Variants in TBC1D12 observed in about 807,000 individuals in gnomAD.
TBC1D12 encodes TBC1 domain family, member 12.
In TBC1D12, 56 loss-of-function variants were observed where a neutral mutation model predicts 86.7. The ratio of observed to expected loss-of-function variants is 0.65; its 90% CI spans 0.52 to 0.81. TBC1D12 has a LOEUF of 0.81. Ranked by LOEUF, TBC1D12 falls within the 30% of genes least tolerant of loss-of-function variation. The probability of loss-of-function intolerance (pLI) is 0.00; values close to 1 mark genes in which losing one functional copy is unlikely to be tolerated. For missense variants in TBC1D12, 1,023 were observed against 1,038.8 expected (o/e 0.98, Z 0.21); for synonymous variants, 421 against 411.7 (o/e 1.02, Z -0.27).
intron 2 of TBC1D12, among the ~76,000 whole-genome samples, chr10:94,457,268 CCT>C (rs1349052673): frequency 1.1e-4 from 16 of 152,248 alleles, no homozygotes; most frequent in Admixed American, 9.2e-4. Context: ...CTCCCCACCC[CCT>C]GACAGGCCCC....
chr10:94,501,584 G>C (rs576972815), intron 6 of TBC1D12: 16 of 152,324 alleles, frequency 1.1e-4, no homozygotes, highest in African/African-American at 3.9e-4. Flanking sequence ...GTCTCGCTCT[G>C]TTGCTGTGCT....
chr10:94,497,156 C>A lies in TBC1D12; in HGVS notation c.1396C>A (p.Pro466Thr). The change falls in exon 5 of 13, where the codon CCC becomes ACC. Residue 466 changes from proline (P) to threonine (T), a missense_variant. Pro to Thr is a conservative substitution (Grantham distance 38). This residue lies in a region of TBC1D12 where 395 missense variants were observed against 507.7 expected (regional missense o/e 0.78). Coordinates refer to ENST00000225235, the MANE Select transcript of TBC1D12 (RefSeq NM_015188.2). Reference protein sequence around the residue: ...AMVIWINEILPNWEVMRSTRR... With the variant: ...AMVIWINEILTNWEVMRSTRR... Reference sequence around the variant, plus strand: ...GGTAATTTGGATCAATGAAATACTGCCCAATTGGGAAGTAATGTAAGTAAG... The same window carrying A: ...GGTAATTTGGATCAATGAAATACTGACCAATTGGGAAGTAATGTAAGTAAG... 1.3e-6 allele frequency: 2 copies of A among 1,540,678 alleles called. No homozygotes were observed. The highest frequency in any genetic ancestry group is 1.3e-5 in the South Asian group (1 of 78,538).
At position 94,475,320 on chromosome 10, in the gene TBC1D12, A is replaced by G. The variant is rs189860368; in HGVS notation, c.1211+537A>G. 1.7e-4 allele frequency among the ~76,000 whole-genome samples: 26 copies of G among 152,344 alleles called. No individual in the cohort carries two copies. In the East Asian group the frequency reaches 4.4e-3, roughly 26 times the overall value. Reference sequence around the variant, plus strand: ...TAGGTAACAAAAGTTTTATTAAGGAAGTAAGAGTACACTCCCAAGAGAGGA... The same window carrying G: ...TAGGTAACAAAAGTTTTATTAAGGAGGTAAGAGTACACTCCCAAGAGAGGA... On this transcript the variant is annotated intron_variant, in intron 3 of 12. Transcript: ENST00000225235.
chr10:94,516,466 G>A (rs560080584), intron 9 of TBC1D12, among the ~76,000 whole-genome samples: 53 of 151,786 alleles, frequency 3.5e-4, no homozygotes, highest in African/African-American at 1.2e-3. Context: ...TGTGCACAAC[G>A]TGCAGGTTTG....
At chr10:94,530,098 G>A (rs369881228) in intron 11 of TBC1D12, among the ~76,000 whole-genome samples, 2 of 152,044 alleles carry the variant, frequency 1.3e-5, no homozygotes. Flanking sequence ...TTATTTTGGC[G>A]AGGAAGCTTT....
chr10:94,428,505 C>T (rs1018499769), intron 1 of TBC1D12, among the ~76,000 whole-genome samples: 4 of 151,654 alleles, frequency 2.6e-5, no homozygotes, highest in Non-Finnish European at 4.4e-5. Context: ...ACAGGGTAAT[C>T]TCCAGTTCCT....
At chr10:94,517,690 G>C (rs1306551831) in intron 9 of TBC1D12, among the ~76,000 whole-genome samples, 1 of 152,106 alleles carries the variant, frequency 6.6e-6, no homozygotes, top group African/African-American at 2.4e-5. Context: ...AAATAGTGTA[G>C]ACTATATTGG....
chr10:94,528,785 T>C (rs1406014663), intron 11 of TBC1D12, among the ~76,000 whole-genome samples: 1 of 150,402 alleles, frequency 6.6e-6, no homozygotes, highest in East Asian at 2.0e-4. Flanking sequence ...TCCTGCCACT[T>C]CACTCTAACC....
At chr10:94,417,810 G>T (rs1165732505) in intron 1 of TBC1D12, among the ~76,000 whole-genome samples, 2 of 149,350 alleles carry the variant, frequency 1.3e-5, no homozygotes, top group Non-Finnish European at 3.0e-5. Context: ...GTGCAGTGGC[G>T]CAGTCTTGGC....
intron 1 of TBC1D12, 125 bp downstream of exon 1, chr10:94,403,709 G>C (rs2054809643): frequency 8.5e-7 from 1 of 1,182,378 alleles, no homozygotes; most frequent in Admixed American, 3.8e-5. Context: ...TTCCGTGCCA[G>C]CCCCACACGC....
At chr10:94,501,104 A>G (rs1186413281) in intron 6 of TBC1D12, among the ~76,000 whole-genome samples, 2 of 147,808 alleles carry the variant, frequency 1.4e-5, no homozygotes, top group African/African-American at 5.2e-5. Context: ...ATGAATAAAT[A>G]AATAAATAAA....
At chr10:94,509,947 AAAG>A (rs1439233456) in intron 7 of TBC1D12, 141 bp from the exon 8 acceptor site, 1 of 617,664 alleles carries the variant, frequency 1.6e-6, no homozygotes, top group Non-Finnish European at 2.8e-6. Context: ...AGTTCTAACA[AAAG>A]CTATGTGACA....
At chr10:94,508,078 G>A (rs2056482997) in intron 7 of TBC1D12, among the ~76,000 whole-genome samples, 1 of 152,046 alleles carries the variant, frequency 6.6e-6, no homozygotes. Context: ...ATAAATTACT[G>A]TTTTCTTATT....
chr10:94,458,492 T>C (rs2055662673), intron 2 of TBC1D12, among the ~76,000 whole-genome samples: 1 of 152,176 alleles, frequency 6.6e-6, no homozygotes, highest in Non-Finnish European at 1.5e-5. Flanking sequence ...CAATTAAGAA[T>C]AAGAAAAATT....
chr10:94,493,491 A>G, intron 4 of TBC1D12, 44 bp downstream of exon 4: 1 of 1,307,934 alleles, frequency 7.6e-7, no homozygotes, highest in Non-Finnish European at 1.1e-6. Flanking sequence ...TGATTTTAAT[A>G]AGAAGATGGA....
At chr10:94,501,264 C>T (rs1355590441) in intron 6 of TBC1D12, among the ~76,000 whole-genome samples, 1 of 151,874 alleles carries the variant, frequency 6.6e-6, no homozygotes, top group African/African-American at 2.4e-5. Context: ...GCCTGGGCAA[C>T]ACGGTGAAAC....
intron 2 of TBC1D12, among the ~76,000 whole-genome samples, chr10:94,455,830 C>T (rs780871892): frequency 3.3e-5 from 5 of 152,008 alleles, no homozygotes; most frequent in Admixed American, 6.5e-5. Context: ...TGGTGGCATG[C>T]GCCTGTAGTC....
chr10:94,403,769 C>T (rs1293321232), intron 1 of TBC1D12, among the ~76,000 whole-genome samples, 185 bp downstream of exon 1: 1 of 152,162 alleles, frequency 6.6e-6, no homozygotes, highest in Non-Finnish European at 1.5e-5. Flanking sequence ...ACTGGGTCGG[C>T]TTTGTGTTTC....
At chr10:94,483,806 T>C (rs1249276851) in intron 3 of TBC1D12, among the ~76,000 whole-genome samples, 1 of 152,332 alleles carries the variant, frequency 6.6e-6, no homozygotes, top group East Asian at 1.9e-4. Flanking sequence ...TGTTCATTTA[T>C]GCTATGGTTG....
Sources: allele counts gnomAD v4.1 joint callset (sites outside exome capture counted in the v4.1 genomes callset), GRCh38; gene constraint gnomAD v4.1.1; regional missense constraint gnomAD v4.1.1; transcripts MANE v1.5; gene names NCBI Gene and HGNC (gene_info 2026-07-23, HGNC 2026-07-21).